The following CDK20 variants were observed in gnomAD, a reference collection of about 807,000 sequenced individuals.
CDK20 encodes the protein cyclin dependent kinase 20, also known as cyclin-dependent kinase 20.
In CDK20, 40 loss-of-function variants were observed where a neutral mutation model predicts 38.6. That is an observed-to-expected ratio of 1.04 (90% confidence interval 0.81 to 1.35). The LOEUF is 1.35. CDK20 is among the 40% of genes most tolerant of loss of function. The pLI is 0.00. For synonymous variants in CDK20, 209 were observed against 185.7 expected (o/e 1.13, Z -1.02); for missense variants, 512 against 452.6 (o/e 1.13, Z -1.19).
chr9:87,968,259 A>G (rs1252198411), intron 7 of CDK20: 2 of 152,518 alleles, frequency 1.3e-5, no homozygotes, highest in African/African-American at 4.8e-5. Context: ...GTCCTGTTCT[A>G]CTTGGATAAA....
chr9:87,969,773 C>G lies in CDK20; in HGVS notation c.687+23G>C, dbSNP rs1466164766. The stretch of plus-strand genomic sequence containing the variant: ...GTGGAGTAAACCTGCCCCACACCCA[C>G]CTCACCAAGGGCCCCTACAAACCGG... On this transcript the variant is annotated intron_variant, in intron 6 of 7. Transcript: ENST00000325303. 5.0e-6 allele frequency: 8 copies of G among 1,613,396 alleles called. No homozygotes were observed. In the Admixed American group the frequency reaches 1.2e-4, roughly 24 times the overall value.
chr9:87,973,967 G>T lies in CDK20; in HGVS notation c.144C>A (p.Ala48=), dbSNP rs1189237697. The T allele has an allele frequency of 6.2e-7, 1 of 1,614,142 alleles. No homozygotes were observed. The highest frequency in any genetic ancestry group is 1.1e-5 in the South Asian group (1 of 91,090). ...CCTGCAGAGCCTTAATCTCCCGCAG[G>T]GCCTGGTTAGGGAAGCCGTCCTCCA... The part of the protein sequence containing the change: ...RRLEDGFPNQ[A]LREIKALQEM... Residue 48 remains alanine (A), a synonymous_variant, in exon 2 of 8, where the codon GCC becomes GCA. Coordinates refer to ENST00000325303, the MANE Select transcript of CDK20 (RefSeq NM_001039803.3).
At chr9:87,969,678 T>C in intron 6 of CDK20, 118 bp downstream of exon 6, 1 of 1,485,326 alleles carries the variant, frequency 6.7e-7, no homozygotes, top group Non-Finnish European at 9.2e-7. Context: ...CAGTGGTCCC[T>C]GTCCATCAAG....
chr9:87,972,465 G>C (rs1829928126), intron 2 of CDK20, among the ~76,000 whole-genome samples: 1 of 152,188 alleles, frequency 6.6e-6, no homozygotes, highest in Admixed American at 6.5e-5. Context: ...ACCCTAGATA[G>C]GTGCTGGTCA....
rs1244170104 is a variant in CDK20, at chr9:87,966,479, TAC to T, written c.*981_*982del. On this transcript the variant is annotated 3_prime_UTR_variant, in exon 8 of 8. Transcript: ENST00000325303. The stretch of plus-strand genomic sequence containing the variant: ...ACCACAATCATACTCTTTATTATTA[TAC>T]AAACTTTTAAATATTGGTATCTGAT... The T allele has an allele frequency of 6.5e-6, 1 of 154,132 alleles. No individual in the cohort carries two copies. The highest frequency in any genetic ancestry group is 1.4e-5 in the Non-Finnish European group (1 of 69,316). 9.5% of individuals were successfully genotyped at this position (154,132 alleles called of 1,614,324 possible).
chr9:87,970,324 T>C, intron 5 of CDK20: 2 of 531,234 alleles, frequency 3.8e-6, no homozygotes, highest in Admixed American at 6.8e-5. Flanking sequence ...CACCTCCCCA[T>C]CTAGCCCAGA....
chr9:87,971,400 A>ACC, intron 2 of CDK20, 65 bp from the exon 3 acceptor site: 1 of 1,468,146 alleles, frequency 6.8e-7, no homozygotes, highest in Middle Eastern at 1.7e-4. Context: ...TGACCCTGAG[A>ACC]CCCCAGCCCA....
intron 2 of CDK20, among the ~76,000 whole-genome samples, chr9:87,972,040 C>CA (rs1474748936): frequency 6.6e-6 from 1 of 151,880 alleles, no homozygotes; most frequent in Non-Finnish European, 1.5e-5. Flanking sequence ...CTTGTCTCTA[C>CA]AAAAAATACA....
chr9:87,973,789 A>C, intron 2 of CDK20, 133 bp downstream of exon 2: 1 of 876,496 alleles, frequency 1.1e-6, no homozygotes, highest in Admixed American at 2.3e-5. Context: ...CAGATGAATG[A>C]GCAGTGTGTG....
chr9:87,967,362 G>C lies in CDK20; in HGVS notation c.*100C>G. The C allele has an allele frequency of 8.3e-7, 1 of 1,210,680 alleles. No homozygotes were observed. The highest frequency in any genetic ancestry group is 1.2e-6 in the Non-Finnish European group (1 of 837,008). 75.0% of individuals were successfully genotyped at this position (1,210,680 alleles called of 1,614,324 possible). A position where few individuals can be genotyped will look rare whatever the true frequency, so the allele number is the denominator to read the frequency against. On this transcript the variant is annotated 3_prime_UTR_variant, in exon 8 of 8. Coordinates refer to ENST00000325303, the MANE Select transcript of CDK20 (RefSeq NM_001039803.3). ...CAGGGTGTGGTGTGGGCCCACTGTG[G>C]CCATGGGGAGGCCTTGGAGGGTGAA...
At chr9:87,972,866 T>C (rs1829958197) in intron 2 of CDK20, among the ~76,000 whole-genome samples, 1 of 152,246 alleles carries the variant, frequency 6.6e-6, no homozygotes, top group Non-Finnish European at 1.5e-5. Flanking sequence ...CAAAATGGCC[T>C]GATTGCTGTT....
rs1233318712 is a variant in CDK20 at position 87,970,834 on chromosome 9, G to C, written c.442C>G (p.Leu148Val). 1.5e-5 allele frequency: 24 copies of C among 1,614,214 alleles called. No individual in the cohort carries two copies. The highest frequency in any genetic ancestry group is 1.9e-5 in the Non-Finnish European group (23 of 1,180,052). Residue 148 changes from leucine (L) to valine (V), a missense_variant, in exon 4 of 8, where the codon CTG becomes GTG. Coordinates refer to ENST00000325303, the MANE Select transcript of CDK20 (RefSeq NM_001039803.3). ...SGQLKIADFGLARVFSPDGSR... is the reference protein window; with the variant it reads ...SGQLKIADFGVARVFSPDGSR... ...CCGTCTGGGGAAAAGACTCGAGCCA[G>C]GCCAAAGTCCGCTATCTTGAGCTGG...
At chr9:87,974,203 C>G (rs990155289) in intron 1 of CDK20, 168 bp from the exon 2 acceptor site, 3 of 1,315,416 alleles carry the variant, frequency 2.3e-6, no homozygotes, top group Non-Finnish European at 2.1e-6. Context: ...GGTAGGGGAC[C>G]AAGCCAGCTG....
At chr9:87,969,384 G>T (rs192325292) in intron 6 of CDK20, 35 bp from the exon 7 acceptor site, 1 of 1,607,950 alleles carries the variant, frequency 6.2e-7, no homozygotes, top group East Asian at 2.2e-5. Context: ...TACAATGAGA[G>T]TAGTTCCCGA....
chr9:87,971,380 A>G, intron 2 of CDK20, 45 bp from the exon 3 acceptor site: 1 of 1,550,452 alleles, frequency 6.4e-7, no homozygotes, highest in Admixed American at 1.9e-5. Flanking sequence ...AAGTCACCAG[A>G]CCCTCTCTGT....
rs151084868 is a variant in CDK20 at position 87,967,548 on chromosome 9, G to C, written c.955C>G (p.His319Asp). 143 of 1,553,068 alleles carry C rather than the reference G, an allele frequency of 9.2e-5. No homozygotes were observed. The African/African-American group carries it at 1.6e-3, about 17-fold the overall frequency. ...PAPKAHPGPP[H>D]IHDFHVDRPL... is the part of the protein sequence containing the mutation. ...CGGTCCACGTGGAAGTCATGGATGT[G>C]GGGGGGCCCTGGATGGGCCTTGGGG... Residue 319 changes from histidine to aspartate, a missense_variant, in exon 8 of 8, where the codon CAC becomes GAC. Physicochemically the swap from His to Asp is moderately conservative, Grantham distance 81. Coordinates refer to ENST00000325303, the MANE Select transcript of CDK20 (RefSeq NM_001039803.3).
In CDK20 at chr9:87,967,678, G is replaced by A. The variant is rs1186249281; in HGVS notation, c.844-19C>T. The stretch of plus-strand genomic sequence containing the variant: ...GGAGAGCCTGAGGGTGGCAAGTAAG[G>A]AACAGCAGAAGGAAACTAGTCACCT... On this transcript the variant is annotated intron_variant, in intron 7 of 7. Coordinates refer to ENST00000325303, the MANE Select transcript of CDK20 (RefSeq NM_001039803.3). The A allele has an allele frequency of 2.7e-6, 4 of 1,459,568 alleles. No homozygotes were observed. The East Asian group carries it at 7.5e-5, about 27-fold the overall frequency. 90.4% of individuals were successfully genotyped at this position (1,459,568 alleles called of 1,614,324 possible).
chr9:87,969,562 G>T, intron 6 of CDK20: 1 of 765,368 alleles, frequency 1.3e-6, no homozygotes, highest in East Asian at 2.7e-5. Flanking sequence ...TGCACAGCTT[G>T]CTGAGACACT....
In CDK20 at chr9:87,970,909, A is replaced by G. The variant is rs1488055681; in HGVS notation, c.379-12T>C. On this transcript the variant is annotated splice_polypyrimidine_tract_variant and intron_variant, in intron 3 of 7. Transcript: ENST00000325303. Reference sequence around the variant, plus strand: ...GCAGGTTTCAGGTCCTGGGAGTACCAAAAGAAGCATCAGTCCCTCCAAATC... The same window carrying G: ...GCAGGTTTCAGGTCCTGGGAGTACCGAAAGAAGCATCAGTCCCTCCAAATC... 6.2e-7 allele frequency: 1 copy of G among 1,614,020 alleles called. No homozygotes were observed. Among genetic ancestry groups the G allele is most frequent in the Admixed American group, 1.7e-5 (1 of 60,026 alleles).
Sources: allele counts gnomAD v4.1 joint callset (sites outside exome capture counted in the v4.1 genomes callset), GRCh38; gene constraint gnomAD v4.1.1; transcripts MANE v1.5; gene names NCBI Gene and HGNC (gene_info 2026-07-23, HGNC 2026-07-21).